COL4A4: variants seen among roughly 807,000 people sequenced by gnomAD.
COL4A4 encodes collagen type IV alpha 4 chain.
COL4A4 carries 105 observed loss-of-function variants against 192.9 expected under a neutral mutation model. The ratio of observed to expected loss-of-function variants is 0.54; its 90% confidence interval spans 0.46 to 0.64. The LOEUF (loss-of-function observed/expected upper bound fraction) is 0.64. Ranked by LOEUF, COL4A4 falls within the 30% of genes least tolerant of loss-of-function variation. The pLI, the probability that COL4A4 is intolerant of heterozygous loss-of-function variation, is 0.00. For synonymous variants in COL4A4, 762 were observed against 769.9 expected, an observed-to-expected ratio of 0.99 and a Z score of 0.17; for missense variants, 1,967 against 2,169.3, an observed-to-expected ratio of 0.91 and a Z score of 1.85.
At chr2:227,035,587 C>G (rs1026882404) in intron 37 of COL4A4, among the ~76,000 whole-genome samples, 2 of 151,754 alleles carry the variant, frequency 1.3e-5, no homozygotes, top group Non-Finnish European at 2.9e-5. Flanking sequence ...TTATTCCTAA[C>G]CACTTTTTAC....
At chr2:227,149,811 G>A (rs1047399245) in intron 1 of COL4A4, among the ~76,000 whole-genome samples, 2 of 152,160 alleles carry the variant, frequency 1.3e-5, no homozygotes, top group African/African-American at 2.4e-5. Flanking sequence ...GCCTGATTAT[G>A]GTCCTAACAC....
chr2:227,059,803 T>C (rs1976436683), intron 27 of COL4A4, among the ~76,000 whole-genome samples, 180 bp from the exon 28 acceptor site: 1 of 152,348 alleles, frequency 6.6e-6, no homozygotes, highest in Non-Finnish European at 1.5e-5. Context: ...ACTGCAACTT[T>C]GTGTTTCCTA....
rs77137276 is a variant in COL4A4 at position 227,091,422 on chromosome 2, T to TAA, written c.1370-1467_1370-1466dup. Among the ~76,000 whole-genome samples the TAA allele has an allele frequency of 4.0e-3, 441 of 110,752 alleles. 3 individuals carry two copies. The highest frequency in any genetic ancestry group is 0.014 in the African/African-American group (410 of 29,436). 72.7% of individuals were successfully genotyped at this position (110,752 alleles called of 152,430 possible). On this transcript the variant is annotated intron_variant, in intron 20 of 47. Coordinates refer to ENST00000396625, the MANE Select transcript of COL4A4 (RefSeq NM_000092.5). ...AGCTGGAGAGTAATAGAGTAAAGGT[T>TAA]AAAAAAAAAAAAAAAAGACATGTAG...
At chr2:227,091,905 AG>A (rs1250922613) in intron 20 of COL4A4, among the ~76,000 whole-genome samples, 42 of 110,354 alleles carry the variant, frequency 3.8e-4, no homozygotes, top group Admixed American at 9.3e-4. Flanking sequence ...GGAAGAAAAA[AG>A]AAAGAAAGAA....
At chr2:227,111,399 G>C (rs1161205689) in intron 9 of COL4A4, among the ~76,000 whole-genome samples, 4 of 152,146 alleles carry the variant, frequency 2.6e-5, no homozygotes, top group Non-Finnish European at 5.9e-5. Flanking sequence ...AATGTCACGA[G>C]ATCATTAGAA....
chr2:227,007,794 C>T (rs914503333), intron 47 of COL4A4, among the ~76,000 whole-genome samples: 1 of 152,206 alleles, frequency 6.6e-6, no homozygotes, highest in African/African-American at 2.4e-5. Context: ...ATGGCTGAAG[C>T]AAACTCATCT....
At chr2:227,111,817 G>A (rs745679154) in intron 8 of COL4A4, 104 bp from the exon 9 acceptor site, 122 of 1,230,766 alleles carry the variant, frequency 9.9e-5, no homozygotes, top group Non-Finnish European at 1.3e-4. Flanking sequence ...TCATCTAACT[G>A]CAGTTTGTTC....
In COL4A4 at chr2:227,156,392, G is replaced by A. The variant is rs1430429531; in HGVS notation, c.-102+7615C>T. ...AACCTAGGTGACACAGTGAAACCCC[G>A]TCTAAAAAAAAAAAAAAAGTGAAAA... On this transcript the variant is annotated intron_variant, in intron 1 of 47. Transcript: ENST00000396625. Among the ~76,000 whole-genome samples the A allele has an allele frequency of 5.7e-5, 5 of 88,040 alleles. No homozygotes were observed. The South Asian group carries it at 1.1e-3, about 19-fold the overall frequency. 57.8% of individuals were successfully genotyped at this position (88,040 alleles called of 152,430 possible). A position where few individuals can be genotyped will look rare whatever the true frequency, so the allele number is the denominator to read the frequency against.
chr2:227,092,813 T>C (rs1445723811), intron 20 of COL4A4, among the ~76,000 whole-genome samples: 6 of 152,018 alleles, frequency 3.9e-5, no homozygotes, highest in African/African-American at 1.2e-4. Flanking sequence ...GAGTAGAAAA[T>C]GTGCACATGT....
chr2:226,995,768 A>T, the COL4A4 span: 6 of 497,174 alleles, frequency 1.2e-5, no homozygotes, highest in South Asian at 1.9e-4. Context: ...TGAAGAGACC[A>T]GTTTCCACGC....
chr2:227,119,741 C>T (rs1227495632), intron 6 of COL4A4, among the ~76,000 whole-genome samples, 154 bp downstream of exon 6: 2 of 147,724 alleles, frequency 1.4e-5, no homozygotes, highest in East Asian at 3.9e-4. Context: ...TATTACGTTG[C>T]TTGTGGTATA....
In COL4A4 at chr2:227,097,578, T is replaced by C. The variant is rs112879052; in HGVS notation, c.1204+1116A>G. Among the ~76,000 whole-genome samples the C allele has an allele frequency of 2.0e-3, 303 of 152,350 alleles. 1 individual carries two copies. Among genetic ancestry groups the C allele is most frequent in the African/African-American group, 6.9e-3 (287 of 41,578 alleles). ...TGTTACTTACTATTAGATCTTCATT[T>C]TAATATGCTGGAGACACTATTCTAT... On this transcript the variant is annotated intron_variant, in intron 19 of 47. Transcript: ENST00000396625.
At chr2:227,021,122 C>G (rs1446536527) in intron 44 of COL4A4, among the ~76,000 whole-genome samples, 1 of 152,074 alleles carries the variant, frequency 6.6e-6, no homozygotes, top group East Asian at 1.9e-4. Context: ...CCACCTCGGC[C>G]TCCCACAGTG....
At chr2:227,085,856 G>A (rs915427291) in intron 22 of COL4A4, among the ~76,000 whole-genome samples, 4 of 152,152 alleles carry the variant, frequency 2.6e-5, no homozygotes, top group Non-Finnish European at 5.9e-5. Flanking sequence ...ACATCCAAAC[G>A]TTATCAGCCT....
chr2:227,118,496 T>G (rs2061606215), intron 7 of COL4A4, 149 bp downstream of exon 7: 1 of 673,988 alleles, frequency 1.5e-6, no homozygotes, highest in Non-Finnish European at 2.6e-6. Context: ...CCTGCCTATC[T>G]CTCTGTCCTT....
At chr2:227,062,799 A>T (rs1269807490) in intron 25 of COL4A4, among the ~76,000 whole-genome samples, 1 of 152,208 alleles carries the variant, frequency 6.6e-6, no homozygotes, top group Non-Finnish European at 1.5e-5. Context: ...TCTGAATTTC[A>T]ACTGTCAGAA....
intron 37 of COL4A4, among the ~76,000 whole-genome samples, chr2:227,041,848 G>GAGAGAGAGAGAGAGAGAGAGAGAA (rs1971305412): frequency 1.3e-4 from 5 of 38,736 alleles, no homozygotes; most frequent in Middle Eastern, 0.014. Context: ...AAGAAAGAAA[G>GAGAGAGAGAGAGAGAGAGAGAGAA]AGAAAGAAAG....
Position 227,121,008 on chromosome 2 carries a change from G to C in COL4A4, c.327+6C>G. On this transcript the variant is annotated splice_donor_region_variant and intron_variant, in intron 5 of 47. Transcript: ENST00000396625. ...CATGTGAATCTCCACATAAGATGTG[G>C]CTTACCTTATCTCCTTTGTCCCCTG... The C allele has an allele frequency of 3.7e-6, 6 of 1,614,020 alleles. No homozygotes were observed. The highest frequency in any genetic ancestry group is 5.1e-6 in the Non-Finnish European group (6 of 1,179,962).
chr2:226,979,915 C>A, the COL4A4 span, among the ~76,000 whole-genome samples: 1 of 152,172 alleles, frequency 6.6e-6, no homozygotes, highest in South Asian at 2.1e-4. Flanking sequence ...AGATAGAGAA[C>A]AATGGACAAA....
Sources: allele counts gnomAD v4.1 joint callset (sites outside exome capture counted in the v4.1 genomes callset), GRCh38; gene constraint gnomAD v4.1.1; transcripts MANE v1.5; gene names NCBI Gene and HGNC (gene_info 2026-07-23, HGNC 2026-07-21).